Variants in EPM2A observed in about 807,000 individuals in gnomAD.
The protein encoded by EPM2A is laforin.
A neutral mutation model predicts 26.5 loss-of-function variants in EPM2A; 21 were observed. The ratio of observed to expected loss-of-function variants is 0.79; its 90% CI spans 0.56 to 1.14. The LOEUF (loss-of-function observed/expected upper bound fraction) is 1.14, where lower values mean the gene tolerates loss of function less well. EPM2A is among the 50% of genes most tolerant of loss of function. The probability of loss-of-function intolerance (pLI) is 0.00; values close to 1 mark genes in which losing one functional copy is unlikely to be tolerated. For synonymous variants in EPM2A, 217 were observed against 177.6 expected (o/e 1.22, Z -1.76); for missense variants, 458 against 440.8 (o/e 1.04, Z -0.35).
chr6:145,389,547 G>C (rs1778309905), intron 4 of EPM2A, among the ~76,000 whole-genome samples: 1 of 152,004 alleles, frequency 6.6e-6, no homozygotes, highest in Non-Finnish European at 1.5e-5. Flanking sequence ...ACTCTCTTTT[G>C]CCTCGTGAAT....
At chr6:145,510,157 C>T (rs1215604139) in intron 2 of EPM2A, among the ~76,000 whole-genome samples, 1 of 151,446 alleles carries the variant, frequency 6.6e-6, no homozygotes, top group Non-Finnish European at 1.5e-5. Flanking sequence ...ATTCAACACC[C>T]CACTTACAGC....
intron 1 of EPM2A, among the ~76,000 whole-genome samples, chr6:145,697,170 GAC>G: frequency 6.6e-6 from 1 of 152,146 alleles, no homozygotes; most frequent in South Asian, 2.1e-4. Context: ...AGAAATAAGG[GAC>G]AGAGTACAAA....
chr6:145,683,026 C>T (rs571470450), intron 2 of EPM2A, among the ~76,000 whole-genome samples: 34 of 152,102 alleles, frequency 2.2e-4, no homozygotes, highest in East Asian at 3.9e-4. Flanking sequence ...AGATAGAATT[C>T]GATGTTTTCA....
intron 2 of EPM2A, among the ~76,000 whole-genome samples, chr6:145,543,306 C>T (rs1285159923): frequency 6.6e-6 from 1 of 151,816 alleles, no homozygotes; most frequent in African/African-American, 2.4e-5. Context: ...TTAGTGAATC[C>T]AGAAAGGTGT....
chr6:145,389,275 C>T (rs371750748), intron 4 of EPM2A, among the ~76,000 whole-genome samples: 13 of 151,784 alleles, frequency 8.6e-5, no homozygotes, highest in Middle Eastern at 3.4e-3. Context: ...CTGCAATCTC[C>T]GTCTCCTGGG....
intron 2 of EPM2A, among the ~76,000 whole-genome samples, chr6:145,601,297 CCT>C (rs1238558387): frequency 1.3e-5 from 2 of 152,070 alleles, no homozygotes; most frequent in African/African-American, 2.4e-5. Flanking sequence ...TTGTTTTTCC[CCT>C]TTTTATTTAT....
At position 145,735,232 on chromosome 6, in the gene EPM2A, C is replaced by T. The variant is rs1197084695; in HGVS notation, c.267G>A (p.Leu89=). The T allele has an allele frequency of 5.8e-6, 9 of 1,539,784 alleles. No individual in the cohort carries two copies. Among genetic ancestry groups the T allele is most frequent in the Non-Finnish European group, 7.9e-6 (9 of 1,142,414 alleles). Residue 89 remains leucine (L), a synonymous_variant, in exon 1 of 4, where the codon CTG becomes CTA. Coordinates refer to ENST00000367519, the MANE Select transcript of EPM2A (RefSeq NM_005670.4). ...AGAGCTCTCCTCCCGGCTCCCGCTTCAGGAACTTGTACCAGAACGTGTCCA... is the reference window on the plus strand; with the variant it reads ...AGAGCTCTCCTCCCGGCTCCCGCTTTAGGAACTTGTACCAGAACGTGTCCA... ...GRVDTFWYKF[L]KREPGGELSW...
intron 4 of EPM2A, among the ~76,000 whole-genome samples, chr6:145,463,780 C>T (rs1162467381): frequency 6.6e-6 from 1 of 152,132 alleles, no homozygotes; most frequent in Non-Finnish European, 1.5e-5. Context: ...GGTAGAATCA[C>T]TGGCACTAGA....
intron 1 of EPM2A, among the ~76,000 whole-genome samples, chr6:145,703,277 G>A (rs1005051377): frequency 1.3e-5 from 2 of 151,922 alleles, no homozygotes. Context: ...ATTTTCAGGA[G>A]AGACGGGGTT....
At chr6:145,662,297 C>A (rs1778776023) in intron 2 of EPM2A, among the ~76,000 whole-genome samples, 1 of 152,060 alleles carries the variant, frequency 6.6e-6, no homozygotes, top group Non-Finnish European at 1.5e-5. Flanking sequence ...TTGTATAAAC[C>A]TATTATTTTT....
chr6:145,676,115 A>C (rs1780019753), intron 2 of EPM2A, among the ~76,000 whole-genome samples: 1 of 152,250 alleles, frequency 6.6e-6, no homozygotes, highest in African/African-American at 2.4e-5. Context: ...ACTCAGGATT[A>C]AGAAACTCAC....
At chr6:145,651,007 G>A (rs567153135) in intron 2 of EPM2A, among the ~76,000 whole-genome samples, 18 of 152,282 alleles carry the variant, frequency 1.2e-4, no homozygotes, top group African/African-American at 3.6e-4. Context: ...AGAATCTGCC[G>A]CATCCTGCAT....
intron 2 of EPM2A, among the ~76,000 whole-genome samples, chr6:145,602,589 A>T (rs1781429984): frequency 1.3e-5 from 2 of 152,212 alleles, no homozygotes; most frequent in Non-Finnish European, 2.9e-5. Context: ...CATGGGCAAC[A>T]GGAATTTTTC....
intron 4 of EPM2A, among the ~76,000 whole-genome samples, chr6:145,476,212 C>T (rs1410616854): frequency 1.3e-5 from 2 of 151,880 alleles, no homozygotes; most frequent in African/African-American, 2.4e-5. Flanking sequence ...ATAAAAGGGT[C>T]GAGTCAGCAA....
chr6:145,735,186 T>C lies in EPM2A; in HGVS notation c.301+12A>G. 1 of 1,493,862 alleles carries C rather than the reference T, an allele frequency of 6.7e-7. No individual in the cohort carries two copies. The highest frequency in any genetic ancestry group is 9.0e-7 in the Non-Finnish European group (1 of 1,116,110). The allele number at this position is 1,493,862 out of a possible 1,614,324, so 92.5% of individuals were successfully genotyped here. Reference sequence around the variant, plus strand: ...CCGCTCTGCGCCGGGGGCAGGCGTCTGCTGGCAATACCTTCCCAGGAGAGC... The same window carrying C: ...CCGCTCTGCGCCGGGGGCAGGCGTCCGCTGGCAATACCTTCCCAGGAGAGC... On this transcript the variant is annotated intron_variant, in intron 1 of 3. Coordinates refer to ENST00000367519, the MANE Select transcript of EPM2A (RefSeq NM_005670.4).
chr6:145,388,472 A>T (rs1416604092), intron 4 of EPM2A, among the ~76,000 whole-genome samples: 1 of 151,962 alleles, frequency 6.6e-6, no homozygotes, highest in African/African-American at 2.4e-5. Context: ...CCCAGATAAA[A>T]CCCAGACCAA....
intron 2 of EPM2A, among the ~76,000 whole-genome samples, chr6:145,536,901 G>A (rs537842907): frequency 2.6e-5 from 4 of 152,296 alleles, no homozygotes; most frequent in Non-Finnish European, 2.9e-5. Context: ...AAGCTTTATC[G>A]TGGAAAAAAG....
chr6:145,664,624 G>A (rs2128591584), intron 2 of EPM2A, among the ~76,000 whole-genome samples: 1 of 151,726 alleles, frequency 6.6e-6, no homozygotes, highest in East Asian at 1.9e-4. Context: ...AGTCAACAAG[G>A]ATACCCAGGA....
intron 2 of EPM2A, among the ~76,000 whole-genome samples, chr6:145,558,470 G>A (rs414600): frequency 0.36 from 54,144 of 151,820 alleles, 10,162 homozygotes; most frequent in South Asian, 0.51. Flanking sequence ...AGATTATATG[G>A]TAGTTCTATT....
Sources: gnomAD v4.1 joint callset for allele counts (sites outside exome capture counted in the v4.1 genomes callset) on GRCh38, gnomAD v4.1.1 for gene constraint, MANE v1.5 for transcripts, NCBI Gene and HGNC (gene_info 2026-07-23, HGNC 2026-07-21) for gene names.